The following PHF8 variants were observed in gnomAD, a reference collection of about 807,000 sequenced individuals.
PHF8 encodes the protein histone lysine demethylase PHF8.
Under a neutral mutation model 74.4 loss-of-function variants are expected in PHF8, and 9 were observed. The observed-to-expected ratio is 0.12, with a 90% confidence interval of 0.07 to 0.21. The LOEUF (loss-of-function observed/expected upper bound fraction) is 0.21, where lower values mean the gene tolerates loss of function less well. PHF8 is among the 10% of genes least tolerant of loss of function. The pLI is 1.00. For synonymous variants in PHF8, 311 were observed against 316.6 expected (o/e 0.98, Z 0.19); for missense variants, 478 against 816.6 (o/e 0.59, Z 5.05).
At chrX:53,954,698 C>T (rs1256665543) in intron 19 of PHF8, among the ~76,000 whole-genome samples, 1 of 105,359 alleles carries the variant, frequency 9.5e-6, no homozygotes, top group Non-Finnish European at 1.9e-5. Flanking sequence ...TGAATTTTAT[C>T]TTATGTTTGA....
intron 2 of PHF8, among the ~76,000 whole-genome samples, chrX:54,034,062 A>T (rs1448446578): frequency 8.9e-6 from 1 of 112,646 alleles, no homozygotes; most frequent in East Asian, 2.8e-4. Context: ...CTTAAATGAA[A>T]ATTCAACAGC....
chrX:54,041,057 C>T (rs2066543958), intron 2 of PHF8, among the ~76,000 whole-genome samples: 1 of 111,636 alleles, frequency 9.0e-6, no homozygotes, highest in South Asian at 3.7e-4. Flanking sequence ...GCAGCACCAG[C>T]ACCTATAGTT....
At chrX:53,970,519 G>A (rs1226365065) in intron 18 of PHF8, among the ~76,000 whole-genome samples, 1 of 111,133 alleles carries the variant, frequency 9.0e-6, no homozygotes, top group Non-Finnish European at 1.9e-5. Context: ...AATGTAAATG[G>A]GCTAAATATG....
chrX:53,949,624 A>G (rs2064887511), intron 19 of PHF8, among the ~76,000 whole-genome samples: 1 of 109,072 alleles, frequency 9.2e-6, no homozygotes, highest in African/African-American at 3.3e-5. Context: ...CATCCTGGCT[A>G]ACACAGTGAA....
In PHF8 at chrX:53,986,037, T is replaced by G; in HGVS notation, c.1996-88A>C. On this transcript the variant is annotated intron_variant, in intron 16 of 21. Coordinates refer to ENST00000338154, the MANE Select transcript of PHF8 (RefSeq NM_015107.3). The stretch of plus-strand genomic sequence containing the variant: ...GGGGCGATGATCTGACTCCTGATAT[T>G]AATATCTTCTGAGCACCAAGTATAG... The G allele has an allele frequency of 3.5e-6, 3 of 863,576 alleles. No homozygotes were observed. The South Asian group carries it at 6.0e-5, about 17-fold the overall frequency. 71.2% of individuals were successfully genotyped at this position (863,576 alleles called of 1,213,427 possible).
intron 2 of PHF8, among the ~76,000 whole-genome samples, chrX:54,040,395 G>A (rs1348056240): frequency 8.9e-6 from 1 of 112,077 alleles, no homozygotes; most frequent in Non-Finnish European, 1.9e-5. Flanking sequence ...AGGTTCTGGG[G>A]ATACCAAAAA....
At chrX:54,015,595 A>AAAC (rs2066053546) in intron 6 of PHF8, among the ~76,000 whole-genome samples, 1 of 107,725 alleles carries the variant, frequency 9.3e-6, no homozygotes, top group African/African-American at 3.4e-5. Flanking sequence ...AAAAAAAAAA[A>AAAC]AACACAACAG....
intron 7 of PHF8, 65 bp downstream of exon 7, chrX:54,014,312 T>C (rs1351432537): frequency 5.3e-6 from 4 of 754,023 alleles, no homozygotes; most frequent in Admixed American, 2.2e-5. Flanking sequence ...GTTTCTGTGC[T>C]GCCATGTGAC....
At chrX:53,971,811 A>G (rs782657211) in intron 18 of PHF8, among the ~76,000 whole-genome samples, 18 of 111,545 alleles carry the variant, frequency 1.6e-4, no homozygotes, top group Admixed American at 1.3e-3. Flanking sequence ...ATAGACCAAT[A>G]ATGAGTTCAG....
intron 20 of PHF8, among the ~76,000 whole-genome samples, chrX:53,942,083 C>T (rs2064759539): frequency 8.9e-6 from 1 of 111,878 alleles, no homozygotes; most frequent in African/African-American, 3.2e-5. Context: ...TCCAGATACT[C>T]CCACAGACAA....
At chrX:54,028,436 C>A (rs1557111857) in intron 2 of PHF8, among the ~76,000 whole-genome samples, 1 of 110,805 alleles carries the variant, frequency 9.0e-6, no homozygotes, top group Admixed American at 9.6e-5. Context: ...CCGATGAACT[C>A]TTTTTCTCCT....
Position 54,003,575 on chromosome X carries a change from T to C in PHF8, c.947-893A>G, listed in dbSNP as rs782340421. On this transcript the variant is annotated intron_variant, in intron 8 of 21. Transcript: ENST00000338154. ...GGGAGGCTGAGGCAGGAGAATCACT[T>C]GAACCCGGGAGGCAGAGGTTGCAGT... is the stretch of plus-strand genomic sequence containing the variant. 2.6e-3 allele frequency among the ~76,000 whole-genome samples: 287 copies of C among 111,693 alleles called. 1 individual carries two copies. The highest frequency in any genetic ancestry group is 9.1e-3 in the African/African-American group (280 of 30,767).
At chrX:54,011,050 T>A (rs2065975497) in intron 8 of PHF8, 72 bp downstream of exon 8, 1 of 919,481 alleles carries the variant, frequency 1.1e-6, no homozygotes, top group East Asian at 3.1e-5. Flanking sequence ...CAGATTAATA[T>A]GCTGTGGGGC....
intron 8 of PHF8, among the ~76,000 whole-genome samples, chrX:54,008,800 GA>G (rs1223423588): frequency 8.9e-6 from 1 of 111,981 alleles, no homozygotes; most frequent in Non-Finnish European, 1.9e-5. Context: ...ATACACAAAT[GA>G]AGTGAAAAAG....
At chrX:53,951,328 G>A (rs1479202116) in intron 19 of PHF8, among the ~76,000 whole-genome samples, 2 of 111,796 alleles carry the variant, frequency 1.8e-5, no homozygotes, top group Non-Finnish European at 3.8e-5. Context: ...ACACCTATTC[G>A]AAGAAATAAC....
Position 54,030,549 on chromosome X carries a change from C to A in PHF8, c.99-7706G>T, listed in dbSNP as rs782570548. 2.7e-5 allele frequency among the ~76,000 whole-genome samples: 3 copies of A among 111,745 alleles called. No individual in the cohort carries two copies. The Admixed American group carries it at 2.9e-4, about 11-fold the overall frequency. Reference sequence around the variant, plus strand: ...CCCTCATGGACTGGACATTTTAGAGCGGGAGACAGAGAGGCAGTGTCAAAA... The same window carrying A: ...CCCTCATGGACTGGACATTTTAGAGAGGGAGACAGAGAGGCAGTGTCAAAA... On this transcript the variant is annotated intron_variant, in intron 2 of 21. Transcript: ENST00000338154.
At chrX:54,043,602 A>T (rs2066600096) in intron 1 of PHF8, among the ~76,000 whole-genome samples, 160 bp downstream of exon 1, 1 of 111,362 alleles carries the variant, frequency 9.0e-6, no homozygotes, top group Non-Finnish European at 1.9e-5. Context: ...CACACTCCCG[A>T]AACTAAGCAA....
At chrX:54,024,014 A>T (rs1381113931) in intron 2 of PHF8, among the ~76,000 whole-genome samples, 3 of 111,482 alleles carry the variant, frequency 2.7e-5, no homozygotes, top group Middle Eastern at 4.6e-3. Flanking sequence ...ATCCCAACTA[A>T]ATATATTCCC....
intron 19 of PHF8, among the ~76,000 whole-genome samples, chrX:53,947,035 G>A (rs2064842173): frequency 9.0e-6 from 1 of 111,637 alleles, no homozygotes; most frequent in South Asian, 3.7e-4. Flanking sequence ...TTTTGAGATG[G>A]AGTCTTGCTT....
Sources: allele counts gnomAD v4.1 joint callset (sites outside exome capture counted in the v4.1 genomes callset), GRCh38; gene constraint gnomAD v4.1.1; transcripts MANE v1.5; gene names NCBI Gene and HGNC (gene_info 2026-07-23, HGNC 2026-07-21).